FAM209A: variants seen among roughly 807,000 people sequenced by gnomAD.
FAM209A encodes family with sequence similarity 209 member A, also known as protein FAM209A.
FAM209A carries 4 observed loss-of-function variants against 9.8 expected under a neutral mutation model. The observed-to-expected ratio is 0.41, with a 90% confidence interval of 0.20 to 0.94. FAM209A has a LOEUF of 0.94. Ranked by LOEUF, FAM209A falls within the 40% of genes least tolerant of loss-of-function variation. FAM209A has a pLI of 0.32. For missense variants in FAM209A, 205 were observed against 209.4 expected, an observed-to-expected ratio of 0.98 and a Z score of 0.13; for synonymous variants, 55 against 77.8, an observed-to-expected ratio of 0.71 and a Z score of 1.54.
chr20:56,525,496 T>G (rs776909663), intron 1 of FAM209A, among the ~76,000 whole-genome samples: 2 of 152,122 alleles, frequency 1.3e-5, no homozygotes, highest in Non-Finnish European at 2.9e-5. Flanking sequence ...GCTGAAGAGA[T>G]AAAGATGTAA....
At chr20:56,525,774 A>G in intron 1 of FAM209A, 30 bp from the exon 2 acceptor site, 1 of 1,604,958 alleles carries the variant, frequency 6.2e-7, no homozygotes, top group South Asian at 1.1e-5. Flanking sequence ...AGTTCACAAT[A>G]TTACTGACCT....
chr20:56,529,918 G>A (rs1985684245), downstream of FAM209A, among the ~76,000 whole-genome samples: 1 of 152,212 alleles, frequency 6.6e-6, no homozygotes, highest in South Asian at 2.1e-4. Context: ...CTACTCAGGA[G>A]GCTGAGGAGT....
the FAM209A span, among the ~76,000 whole-genome samples, chr20:56,532,331 G>A: frequency 1.3e-5 from 2 of 152,204 alleles, no homozygotes; most frequent in Non-Finnish European, 1.5e-5. Flanking sequence ...ATGATGGTAT[G>A]TGGTAATAGG....
downstream of FAM209A, among the ~76,000 whole-genome samples, chr20:56,526,414 A>G (rs1361098447): frequency 2.0e-5 from 3 of 152,192 alleles, no homozygotes; most frequent in East Asian, 1.9e-4. Flanking sequence ...CTTGCTCTCT[A>G]TAGCATCTAT....
chr20:56,525,577 T>C (rs1985490389), intron 1 of FAM209A, among the ~76,000 whole-genome samples: 1 of 152,078 alleles, frequency 6.6e-6, no homozygotes, highest in South Asian at 2.1e-4. Context: ...GGAGAGAAAG[T>C]GCGTTCTCCC....
At chr20:56,529,234 A>C (rs1478336286), downstream of FAM209A, among the ~76,000 whole-genome samples, 1 of 151,620 alleles carries the variant, frequency 6.6e-6, no homozygotes, top group East Asian at 1.9e-4. Flanking sequence ...AATTATTCTT[A>C]GGCTGGGTGT....
downstream of FAM209A, among the ~76,000 whole-genome samples, chr20:56,530,476 T>G (rs1192221206): frequency 6.6e-6 from 1 of 152,054 alleles, no homozygotes; most frequent in East Asian, 1.9e-4. Context: ...CTGTTCTTTT[T>G]CCCCTAGACT....
chr20:56,529,468 G>C (rs1399970369), downstream of FAM209A, among the ~76,000 whole-genome samples: 1 of 151,986 alleles, frequency 6.6e-6, no homozygotes, highest in Non-Finnish European at 1.5e-5. Context: ...AGTGAGCTGA[G>C]ATTGTGCCAT....
chr20:56,527,201 T>TA (rs571707442), downstream of FAM209A, among the ~76,000 whole-genome samples: 47 of 152,230 alleles, frequency 3.1e-4, no homozygotes, highest in South Asian at 8.9e-3. Context: ...TGTATGGACT[T>TA]ACAGGTGTGT....
At chr20:56,533,552 G>T in the FAM209A span, 1 of 1,614,210 alleles carries the variant, frequency 6.2e-7, no homozygotes, top group Non-Finnish European at 8.5e-7. Context: ...TGTGCCGTTT[G>T]TGATACTGCA....
chr20:56,528,557 C>T (rs1033285146), downstream of FAM209A, among the ~76,000 whole-genome samples: 10 of 151,562 alleles, frequency 6.6e-5, no homozygotes, highest in East Asian at 5.9e-4. Context: ...GCTATGATTG[C>T]ACCACTGCAT....
chr20:56,528,844 A>C (rs187049251), downstream of FAM209A, among the ~76,000 whole-genome samples: 29 of 152,338 alleles, frequency 1.9e-4, no homozygotes, highest in East Asian at 5.0e-3. Context: ...ATATGAGAGC[A>C]TATTAATTTT....
At chr20:56,529,373 G>A (rs1041941588), downstream of FAM209A, among the ~76,000 whole-genome samples, 1 of 147,942 alleles carries the variant, frequency 6.8e-6, no homozygotes, top group Admixed American at 6.7e-5. Context: ...AAAAATTAGC[G>A]AAGCATGGTG....
At chr20:56,533,403 T>G in the FAM209A span, 1 of 1,614,136 alleles carries the variant, frequency 6.2e-7, no homozygotes. Flanking sequence ...TATGCCTTTA[T>G]GTTCTCTTCT....
downstream of FAM209A, among the ~76,000 whole-genome samples, chr20:56,527,936 G>A (rs1053237649): frequency 4.6e-5 from 7 of 152,088 alleles, no homozygotes; most frequent in African/African-American, 1.7e-4. Context: ...GTGAAAACCC[G>A]TCTCTATCAA....
At chr20:56,532,623 A>G in the FAM209A span, among the ~76,000 whole-genome samples, 1 of 151,554 alleles carries the variant, frequency 6.6e-6, no homozygotes, top group Admixed American at 6.6e-5. Flanking sequence ...AGCTGAGACT[A>G]CAGGCGTGTG....
the FAM209A span, chr20:56,533,491 G>A: frequency 5.6e-6 from 9 of 1,614,050 alleles, no homozygotes; most frequent in South Asian, 1.1e-5. Flanking sequence ...ACCTACCAGA[G>A]CACACCCAAG....
At chr20:56,532,954 A>G in the FAM209A span, among the ~76,000 whole-genome samples, 3 of 152,080 alleles carry the variant, frequency 2.0e-5, no homozygotes, top group African/African-American at 7.2e-5. Flanking sequence ...TTTCTCTCCC[A>G]TTTAACTCAG....
chr20:56,525,216 G>A (rs1985469335), intron 1 of FAM209A, among the ~76,000 whole-genome samples, 159 bp downstream of exon 1: 1 of 152,154 alleles, frequency 6.6e-6, no homozygotes, highest in South Asian at 2.1e-4. Context: ...TGTATCCTTA[G>A]TGAAGACAAT....
Sources: gnomAD v4.1 joint callset for allele counts (sites outside exome capture counted in the v4.1 genomes callset) on GRCh38, gnomAD v4.1.1 for gene constraint, MANE v1.5 for transcripts, NCBI Gene and HGNC (gene_info 2026-07-23, HGNC 2026-07-21) for gene names.